KCNQ2: variants seen among roughly 807,000 people sequenced by gnomAD.
KCNQ2 encodes the protein potassium voltage-gated channel subfamily KQT member 2.
A neutral mutation model predicts 84.8 loss-of-function variants in KCNQ2; 14 were observed. The observed-to-expected ratio is 0.17, with a 90% CI of 0.11 to 0.26. KCNQ2 has a LOEUF of 0.26. Among genes scored for constraint, KCNQ2 ranks in the 10% least tolerant of loss-of-function variants. The pLI, the probability that KCNQ2 is intolerant of heterozygous loss-of-function variation, is 1.00. For missense variants in KCNQ2, 788 were observed against 1,254.0 expected (o/e 0.63, Z 5.61); for synonymous variants, 599 against 554.1 (o/e 1.08, Z -1.14).
intron 15 of KCNQ2, chr20:63,411,953 C>G: frequency 2.9e-6 from 2 of 689,886 alleles, no homozygotes; most frequent in South Asian, 3.1e-5. Flanking sequence ...AGGAGCTGGC[C>G]AGGAACTGGC....
intron 7 of KCNQ2, chr20:63,434,276 G>A (rs367854918): frequency 8.1e-6 from 2 of 246,822 alleles, no homozygotes; most frequent in Non-Finnish European, 1.5e-5. Context: ...TTGGGCCCTG[G>A]GCAACCTGAG....
At chr20:63,428,456 G>A (rs1353992466) in intron 9 of KCNQ2, 21 bp from the exon 10 acceptor site, 2 of 1,572,972 alleles carry the variant, frequency 1.3e-6, no homozygotes, top group African/African-American at 1.3e-5. Context: ...AGAAGGAGAG[G>A]GGAGTGAGCG....
rs2080696738 is a variant in KCNQ2, at chr20:63,428,431, T to G, written c.1153A>C (p.Ile385Leu). ...AGCTCCAGCTGGTTCAGCGGGGGGA[T>G]AAGTCTGGGGCAAGAGAAGGAGAGG... is the stretch of plus-strand genomic sequence containing the variant. ...QTQTYGASRL[I>L]PPLNQLELLR... Residue 385 changes from isoleucine (I) to leucine (L), a missense_variant, in exon 10 of 17, where the codon ATC (isoleucine) becomes CTC (leucine). This residue lies in a region of KCNQ2 where 202 missense variants were observed against 239.4 expected (regional missense o/e 0.84). Transcript: ENST00000359125. 1 of 1,588,700 alleles carries G rather than the reference T, an allele frequency of 6.3e-7. No homozygotes were observed. The highest frequency in any genetic ancestry group is 8.6e-7 in the Non-Finnish European group (1 of 1,168,058).
chr20:63,467,249 C>T (rs144144227), intron 1 of KCNQ2, among the ~76,000 whole-genome samples: 29 of 152,360 alleles, frequency 1.9e-4, no homozygotes, highest in African/African-American at 6.5e-4. Flanking sequence ...AAGGCCCCCA[C>T]AGGTCCCCCT....
chr20:63,435,888 A>G (rs2080980589), intron 7 of KCNQ2, among the ~76,000 whole-genome samples: 1 of 22,032 alleles, frequency 4.5e-5, no homozygotes, highest in African/African-American at 1.6e-4. Flanking sequence ...ACACTGGCTC[A>G]TCTCTCGAGA....
chr20:63,470,362 C>G (rs1568983718), intron 1 of KCNQ2, among the ~76,000 whole-genome samples: 1 of 152,186 alleles, frequency 6.6e-6, no homozygotes, highest in Non-Finnish European at 1.5e-5. Flanking sequence ...TGCTGCTGCT[C>G]TATCTTAGAG....
chr20:63,466,550 G>A (rs2082087993), intron 1 of KCNQ2: 1 of 152,286 alleles, frequency 6.6e-6, no homozygotes, highest in African/African-American at 2.4e-5. Context: ...TGCTGAAGGA[G>A]CCTCACGGTC....
At chr20:63,409,720 T>C (rs924135207) in intron 15 of KCNQ2, among the ~76,000 whole-genome samples, 21 of 152,216 alleles carry the variant, frequency 1.4e-4, no homozygotes, top group Admixed American at 1.2e-3. Context: ...TTCCTGCCAC[T>C]GGGCTGCCCT....
intron 8 of KCNQ2, among the ~76,000 whole-genome samples, chr20:63,432,332 CT>C (rs2080835432): frequency 7.0e-6 from 1 of 141,858 alleles, no homozygotes; most frequent in Middle Eastern, 4.0e-3. Flanking sequence ...TCTGGGAAGG[CT>C]CCACCCTCAG....
Position 63,403,738 on chromosome 20 carries a change from C to T in KCNQ2, c.*2906G>A, listed in dbSNP as rs1164891490. On this transcript the variant is annotated 3_prime_UTR_variant, in exon 17 of 17. Transcript: ENST00000359125. ...ATGTGTGCAAGCGTGCATGTGTACG[C>T]CTGTATGCGGACATGTATGTGAGCA... 1 of 152,330 alleles carries T rather than the reference C, an allele frequency of 6.6e-6. No individual in the cohort carries two copies. The highest frequency in any genetic ancestry group is 1.9e-4 in the East Asian group (1 of 5,204). The allele number at this position is 152,330 out of a possible 1,614,324, so 9.4% of individuals were successfully genotyped here. A position where few individuals can be genotyped will look rare whatever the true frequency, so the allele number is the denominator to read the frequency against.
intron 8 of KCNQ2, among the ~76,000 whole-genome samples, chr20:63,432,915 G>T (rs929295246): frequency 1.3e-5 from 2 of 152,044 alleles, no homozygotes; most frequent in African/African-American, 4.8e-5. Context: ...AGGCTCCAGG[G>T]GACAGAAACC....
intron 1 of KCNQ2, among the ~76,000 whole-genome samples, chr20:63,469,760 A>T (rs183630362): frequency 6.6e-6 from 1 of 152,372 alleles, no homozygotes; most frequent in Admixed American, 6.5e-5. Context: ...GCTGATGAAC[A>T]AACAGACCAA....
chr20:63,452,741 C>T (rs571724291), intron 1 of KCNQ2, among the ~76,000 whole-genome samples: 2 of 152,310 alleles, frequency 1.3e-5, no homozygotes, highest in Admixed American at 6.5e-5. Flanking sequence ...GCCGGCAGCT[C>T]GGCTCCAGGG....
At chr20:63,455,028 C>G (rs2081737263) in intron 1 of KCNQ2, among the ~76,000 whole-genome samples, 1 of 152,222 alleles carries the variant, frequency 6.6e-6, no homozygotes, top group African/African-American at 2.4e-5. Flanking sequence ...GGCTGCCCGC[C>G]CCCTCCTGCC....
intron 1 of KCNQ2, chr20:63,471,646 G>GGGGGTCATGGGA (rs1015081462): frequency 3.9e-5 from 6 of 153,124 alleles, no homozygotes; most frequent in Non-Finnish European, 8.7e-5. Flanking sequence ...GCTGGGGTGG[G>GGGGGTCATGGGA]GGGGTCATGG....
Position 63,401,923 on chromosome 20 carries a change from C to G in KCNQ2, c.*4721G>C. The G allele has an allele frequency of 6.0e-6, 1 of 165,312 alleles. No homozygotes were observed. Among genetic ancestry groups the G allele is most frequent in the Non-Finnish European group, 1.3e-5 (1 of 78,580 alleles). The allele number at this position is 165,312 out of a possible 1,614,324, so 10.2% of individuals were successfully genotyped here. A position where few individuals can be genotyped will look rare whatever the true frequency, so the allele number is the denominator to read the frequency against. On this transcript the variant is annotated 3_prime_UTR_variant, in exon 17 of 17. Coordinates refer to ENST00000359125, the MANE Select transcript of KCNQ2 (RefSeq NM_172107.4). Reference sequence around the variant, plus strand: ...CTCCACCAGGTCCAAGCCTCGTGAGCCATCCCTCTCATACCACGTCTGCTG... The same window carrying G: ...CTCCACCAGGTCCAAGCCTCGTGAGGCATCCCTCTCATACCACGTCTGCTG...
intron 1 of KCNQ2, among the ~76,000 whole-genome samples, chr20:63,464,667 C>A (rs1214498916): frequency 6.6e-6 from 1 of 152,202 alleles, no homozygotes; most frequent in African/African-American, 2.4e-5. Flanking sequence ...CATGGCCCTG[C>A]GCCCCACACT....
At chr20:63,416,710 C>T (rs1601581428) in intron 12 of KCNQ2, among the ~76,000 whole-genome samples, 1 of 152,152 alleles carries the variant, frequency 6.6e-6, no homozygotes, top group Non-Finnish European at 1.5e-5. Context: ...ACTGAGGCCC[C>T]GGTCAGCAGC....
chr20:63,414,034 G>A lies in KCNQ2; in HGVS notation c.1631+54C>T, dbSNP rs935174404. 24 of 1,337,918 alleles carry A rather than the reference G, an allele frequency of 1.8e-5. No individual in the cohort carries two copies. Among genetic ancestry groups the A allele is most frequent in the African/African-American group, 5.8e-5 (4 of 69,474 alleles). 82.9% of individuals were successfully genotyped at this position (1,337,918 alleles called of 1,614,324 possible). A position where few individuals can be genotyped will look rare whatever the true frequency, so the allele number is the denominator to read the frequency against. On this transcript the variant is annotated intron_variant, in intron 14 of 16. Coordinates refer to ENST00000359125, the MANE Select transcript of KCNQ2 (RefSeq NM_172107.4). The surrounding 1 kb of genome is among the most constrained non-coding windows in gnomAD (Gnocchi z 6.6). ...AGCACCGGCAGCAGGCAGGACCACCGAGCGGGAGGCCCCTCCTCACTCCCC... is the reference window on the plus strand; with the variant it reads ...AGCACCGGCAGCAGGCAGGACCACCAAGCGGGAGGCCCCTCCTCACTCCCC...
Sources: gnomAD v4.1 joint callset for allele counts (sites outside exome capture counted in the v4.1 genomes callset) on GRCh38, gnomAD v4.1.1 for gene constraint, gnomAD v4.1.1 regional missense constraint, Gnocchi (gnomAD v3.1) non-coding constraint, MANE v1.5 for transcripts, NCBI Gene and HGNC (gene_info 2026-07-23, HGNC 2026-07-21) for gene names.